RYR2: variants seen among roughly 807,000 people sequenced by gnomAD.
RYR2 encodes cardiac muscle ryanodine receptor-calcium release channel.
Under a neutral mutation model 601.1 loss-of-function variants are expected in RYR2, and 227 were observed. That is an observed-to-expected ratio of 0.38 (90% CI 0.34 to 0.42). The LOEUF (loss-of-function observed/expected upper bound fraction) is 0.42. RYR2 is among the 10% of genes least tolerant of loss of function. RYR2 has a pLI of 1.00. For missense variants in RYR2, 4,646 were observed against 6,156.5 expected, an observed-to-expected ratio of 0.75 and a Z score of 8.21; for synonymous variants, 2,223 against 2,175.1, an observed-to-expected ratio of 1.02 and a Z score of -0.61.
intron 1 of RYR2, among the ~76,000 whole-genome samples, chr1:237,208,957 TA>T (rs1682162868): frequency 1.0e-5 from 1 of 99,260 alleles, no homozygotes. Context: ...TATATATATA[TA>T]TATATATATA....
intron 12 of RYR2, among the ~76,000 whole-genome samples, chr1:237,429,713 G>T (rs940100398): frequency 1.3e-5 from 2 of 152,162 alleles, no homozygotes; most frequent in African/African-American, 4.8e-5. Flanking sequence ...AAAGGGAAAA[G>T]TATATTAACA....
chr1:237,659,383 G>A (rs541417668), intron 54 of RYR2, among the ~76,000 whole-genome samples: 1 of 152,178 alleles, frequency 6.6e-6, no homozygotes, highest in Non-Finnish European at 1.5e-5. Flanking sequence ...CTCAGATTCT[G>A]TAGGCAGACA....
chr1:237,681,176 T>G (rs1685846650), intron 62 of RYR2, among the ~76,000 whole-genome samples: 1 of 152,198 alleles, frequency 6.6e-6, no homozygotes, highest in Non-Finnish European at 1.5e-5. Flanking sequence ...TGAGAATCAA[T>G]TACAGAGCAA....
chr1:237,424,132 AC>A (rs1189654297), intron 12 of RYR2, among the ~76,000 whole-genome samples: 4 of 152,204 alleles, frequency 2.6e-5, no homozygotes, highest in African/African-American at 9.6e-5. Flanking sequence ...CGTGGAGATT[AC>A]AAATTGAGAT....
chr1:237,573,069 A>T (rs570377404), intron 29 of RYR2, among the ~76,000 whole-genome samples: 1 of 152,272 alleles, frequency 6.6e-6, no homozygotes, highest in East Asian at 1.9e-4. Context: ...TCTTACACCT[A>T]GCCTGTCTTT....
chr1:237,592,148 A>C (rs938334581), intron 32 of RYR2, among the ~76,000 whole-genome samples: 1 of 152,096 alleles, frequency 6.6e-6, no homozygotes, highest in East Asian at 1.9e-4. Flanking sequence ...ACTACATTTG[A>C]TTTTCTTCAT....
intron 80 of RYR2, among the ~76,000 whole-genome samples, chr1:237,752,526 T>C (rs1181260441): frequency 1.3e-5 from 2 of 152,086 alleles, no homozygotes; most frequent in African/African-American, 4.8e-5. Flanking sequence ...CTTAGTATTT[T>C]CCCATCACTG....
In RYR2 at chr1:237,369,561, C is replaced by G. The variant is rs1347819353; in HGVS notation, c.337C>G (p.Leu113Val). 1 of 1,565,132 alleles carries G rather than the reference C, an allele frequency of 6.4e-7. No individual in the cohort carries two copies. Among genetic ancestry groups the G allele is most frequent in the Non-Finnish European group, 8.7e-7 (1 of 1,153,012 alleles). ...KTAQGGGHRTLLYGHAILLRH... is the reference protein window; with the variant it reads ...KTAQGGGHRTVLYGHAILLRH... ...TGCTCAAGGTGGTGGTCATCGAACA[C>G]TCCTCTACGGACATGCCATATTGCT... The change falls in exon 6 of 105, where the codon CTC becomes GTC. Residue 113 changes from leucine to valine, a missense_variant. By Grantham distance (32) the Leu-to-Val change is conservative. Coordinates refer to ENST00000366574, the MANE Select transcript of RYR2 (RefSeq NM_001035.3).
At chr1:237,623,392 T>TCTTTC (rs1243700693) in intron 38 of RYR2, among the ~76,000 whole-genome samples, 3 of 136,634 alleles carry the variant, frequency 2.2e-5, no homozygotes, top group Admixed American at 1.5e-4. Context: ...TCTTTTTTTT[T>TCTTTC]TTTTTTTTTT....
rs1000043466 is a variant in RYR2, at chr1:237,726,287, G to A, written c.10704G>A (p.Val3568=). ...ATTTCTTTCAGAAGTCTAAACGTGT[G>A]GGTCGGAGACATTACTGTCTGGGAA... The part of the protein sequence containing the change: ...LFHLEQKSKR[V]GRRHYCLVEH... The change falls in exon 75 of 105, where the codon GTG becomes GTA. Residue 3568 remains valine, a synonymous_variant. Transcript: ENST00000366574. 6.3e-7 allele frequency: 1 copy of A among 1,588,602 alleles called. No individual in the cohort carries two copies. The highest frequency in any genetic ancestry group is 8.6e-7 in the Non-Finnish European group (1 of 1,163,018).
chr1:237,717,980 G>A (rs148725701), intron 72 of RYR2, among the ~76,000 whole-genome samples: 6 of 152,260 alleles, frequency 3.9e-5, no homozygotes, highest in South Asian at 2.1e-4. Context: ...AACATGCATC[G>A]TTTGACATTC....
At chr1:237,785,285 G>A (rs924705765) in intron 90 of RYR2, among the ~76,000 whole-genome samples, 2 of 152,186 alleles carry the variant, frequency 1.3e-5, no homozygotes, top group East Asian at 1.9e-4. Flanking sequence ...TTAGATACCT[G>A]TAAGTGGCAT....
At chr1:237,233,271 T>A (rs1397949242) in intron 1 of RYR2, among the ~76,000 whole-genome samples, 2 of 152,200 alleles carry the variant, frequency 1.3e-5, no homozygotes, top group Non-Finnish European at 1.5e-5. Flanking sequence ...TAAAAAGGTG[T>A]TTATACTGCA....
chr1:237,804,657 A>G (rs1291422437), intron 98 of RYR2, among the ~76,000 whole-genome samples: 1 of 152,192 alleles, frequency 6.6e-6, no homozygotes, highest in Non-Finnish European at 1.5e-5. Flanking sequence ...GGAGACTTCT[A>G]CAACAGTACC....
At chr1:237,346,384 A>AAAAAAAAAAAAAAAAT (rs1558659601) in intron 3 of RYR2, among the ~76,000 whole-genome samples, 5 of 151,346 alleles carry the variant, frequency 3.3e-5, no homozygotes, top group African/African-American at 1.2e-4. Context: ...AAAAAAAAAA[A>AAAAAAAAAAAAAAAAT]GTGCATATCC....
intron 91 of RYR2, among the ~76,000 whole-genome samples, chr1:237,786,544 C>T (rs912900288): frequency 6.6e-6 from 1 of 152,212 alleles, no homozygotes; most frequent in Non-Finnish European, 1.5e-5. Flanking sequence ...GCCATAGATC[C>T]TGCCTCAGCA....
intron 27 of RYR2, among the ~76,000 whole-genome samples, chr1:237,561,803 G>A (rs1671481980): frequency 6.6e-6 from 1 of 152,190 alleles, no homozygotes; most frequent in African/African-American, 2.4e-5. Context: ...GGCAACAGTG[G>A]GAAGGGACAG....
intron 10 of RYR2, among the ~76,000 whole-genome samples, chr1:237,406,646 T>C (rs375713697): frequency 6.6e-6 from 1 of 152,100 alleles, no homozygotes; most frequent in South Asian, 2.1e-4. Context: ...CCCTGTAATA[T>C]ATTCCTAATA....
chr1:237,503,315 A>G lies in RYR2; in HGVS notation c.2423A>G (p.His808Arg), dbSNP rs757443712. 16 of 1,612,504 alleles carry G rather than the reference A, an allele frequency of 9.9e-6. No homozygotes were observed. Among genetic ancestry groups the G allele is most frequent in the Non-Finnish European group, 1.3e-5 (15 of 1,179,182 alleles). ...GTACGCTTTCTGCTTGGAGGGCGACATGGAGAATTCAAATTTCTTCCTCCA... is the reference window on the plus strand; with the variant it reads ...GTACGCTTTCTGCTTGGAGGGCGACGTGGAGAATTCAAATTTCTTCCTCCA... ...IKVRFLLGGR[H>R]GEFKFLPPPG... is the part of the protein sequence containing the mutation. Residue 808 changes from histidine to arginine, a missense_variant, in exon 22 of 105, where the codon CAT becomes CGT. His to Arg is a conservative substitution (Grantham distance 29, BLOSUM62 0). Around this residue, in one of 17 missense-constraint regions of RYR2, gnomAD observed 1,807 missense variants for 2,088.1 expected, o/e 0.87. Transcript: ENST00000366574.
Sources: allele counts gnomAD v4.1 joint callset (sites outside exome capture counted in the v4.1 genomes callset), GRCh38; gene constraint gnomAD v4.1.1; regional missense constraint gnomAD v4.1.1; transcripts MANE v1.5; gene names NCBI Gene and HGNC (gene_info 2026-07-23, HGNC 2026-07-21).